Variants in COL21A1 observed in about 807,000 individuals in gnomAD.
COL21A1 encodes collagen type XXI alpha 1 chain.
COL21A1 carries 149 observed loss-of-function variants against 137.9 expected under a neutral mutation model. The observed-to-expected ratio is 1.08, with a 90% CI of 0.95 to 1.24. COL21A1 has a LOEUF of 1.24. Among genes scored for constraint, COL21A1 ranks in the 50% most tolerant of loss-of-function variants. The pLI, the probability that COL21A1 is intolerant of heterozygous loss-of-function variation, is 0.00. For synonymous variants in COL21A1, 456 were observed against 391.5 expected (o/e 1.16, Z -1.95); for missense variants, 1,167 against 1,158.4 (o/e 1.01, Z -0.11).
intron 12 of COL21A1, among the ~76,000 whole-genome samples, chr6:56,131,793 A>G (rs1243693790): frequency 6.6e-6 from 1 of 152,132 alleles, no homozygotes; most frequent in Non-Finnish European, 1.5e-5. Context: ...CATATACTAT[A>G]TGCTGTTGAG....
chr6:56,216,248 G>A (rs558025137), intron 1 of COL21A1, among the ~76,000 whole-genome samples: 18 of 152,118 alleles, frequency 1.2e-4, no homozygotes, highest in African/African-American at 2.6e-4. Context: ...ATTAGTGGCC[G>A]TGTTCCAACC....
intron 1 of COL21A1, among the ~76,000 whole-genome samples, chr6:56,312,658 T>A (rs72870235): frequency 0.02 from 3,072 of 152,264 alleles, 39 homozygotes; most frequent in Non-Finnish European, 0.033. Context: ...GAAGAGATTT[T>A]AGGACAGGAA....
upstream of COL21A1, among the ~76,000 whole-genome samples, chr6:56,248,204 TC>T (rs1047053759): frequency 6.6e-6 from 1 of 152,194 alleles, no homozygotes; most frequent in Admixed American, 6.5e-5. Flanking sequence ...TCATATGCTT[TC>T]CCTATTATCT....
chr6:56,092,513 A>C (rs1245088151), intron 17 of COL21A1, among the ~76,000 whole-genome samples: 1 of 152,190 alleles, frequency 6.6e-6, no homozygotes, highest in Non-Finnish European at 1.5e-5. Flanking sequence ...AAAATGAGAA[A>C]TAGACAAATT....
intron 1 of COL21A1, among the ~76,000 whole-genome samples, chr6:56,237,957 G>T (rs1582709399): frequency 6.6e-6 from 1 of 152,132 alleles, no homozygotes; most frequent in East Asian, 1.9e-4. Flanking sequence ...TGGTGTTTTT[G>T]TTTTATTTTT....
chr6:56,361,647 C>T (rs1025649166), intron 1 of COL21A1, among the ~76,000 whole-genome samples: 1 of 151,866 alleles, frequency 6.6e-6, no homozygotes, highest in Non-Finnish European at 1.5e-5. Flanking sequence ...TAATAGGAAA[C>T]TCTGGTTGGC....
intron 24 of COL21A1, among the ~76,000 whole-genome samples, chr6:56,062,898 G>A (rs1467699685): frequency 6.6e-6 from 1 of 152,132 alleles, no homozygotes; most frequent in Non-Finnish European, 1.5e-5. Flanking sequence ...AAAAAGAGCT[G>A]TCATCTGAGA....
At chr6:56,344,638 C>T (rs1765549236) in intron 1 of COL21A1, among the ~76,000 whole-genome samples, 2 of 152,128 alleles carry the variant, frequency 1.3e-5, no homozygotes, top group African/African-American at 4.8e-5. Context: ...ATTTCTGTCC[C>T]AGCTCAAATC....
At chr6:56,156,161 C>T (rs1775728088) in intron 10 of COL21A1, among the ~76,000 whole-genome samples, 1 of 152,110 alleles carries the variant, frequency 6.6e-6, no homozygotes, top group Non-Finnish European at 1.5e-5. Context: ...AATAGAATTT[C>T]TAAAACCAGC....
At position 56,148,338 on chromosome 6, in the gene COL21A1, C is replaced by CAGAGAGAGAGAGAGAGAGAGAGAGAG. The variant is rs150898619; in HGVS notation, c.1435-6381_1435-6356dup. ...TTTAGCTTATTAGTGAGACAAGAGA[C>CAGAGAGAGAGAGAGAGAGAGAGAGAG]AGAGAGAGAGAGAGAGAGAGAGAGA... is the stretch of plus-strand genomic sequence containing the variant. On this transcript the variant is annotated intron_variant, in intron 10 of 29. Transcript: ENST00000244728. Among the ~76,000 whole-genome samples, 1,128 of 133,154 alleles carry CAGAGAGAGAGAGAGAGAGAGAGAGAG rather than the reference C, an allele frequency of 8.5e-3. 24 individuals are homozygous for CAGAGAGAGAGAGAGAGAGAGAGAGAG. Among genetic ancestry groups the CAGAGAGAGAGAGAGAGAGAGAGAGAG allele is most frequent in the African/African-American group, 0.01 (360 of 34,908 alleles). 87.4% of individuals were successfully genotyped at this position (133,154 alleles called of 152,430 possible). A position where few individuals can be genotyped will look rare whatever the true frequency, so the allele number is the denominator to read the frequency against.
intron 17 of COL21A1, among the ~76,000 whole-genome samples, chr6:56,082,767 CACT>C (rs1767901765): frequency 6.6e-6 from 1 of 151,694 alleles, no homozygotes; most frequent in African/African-American, 2.4e-5. Flanking sequence ...AAAGAAAACA[CACT>C]AATAAGTGAA....
At chr6:56,365,534 G>A (rs538555207) in intron 1 of COL21A1, among the ~76,000 whole-genome samples, 28 of 152,178 alleles carry the variant, frequency 1.8e-4, no homozygotes, top group African/African-American at 6.3e-4. Context: ...TGCTTAGGAT[G>A]TCTTAATGTA....
intron 1 of COL21A1, among the ~76,000 whole-genome samples, chr6:56,329,788 T>TA (rs1765178123): frequency 6.6e-6 from 1 of 152,094 alleles, no homozygotes; most frequent in African/African-American, 2.4e-5. Flanking sequence ...CTAAGTTTAA[T>TA]AAAGGCTTCA....
rs374780834 is a variant in COL21A1 at position 56,216,534 on chromosome 6, C to T, written c.-39+30853G>A. The stretch of plus-strand genomic sequence containing the variant: ...GAAAATTCTGCCCCATCTCTTTTTA[C>T]TCTGTTAACCAAATAATTCCCATGG... On this transcript the variant is annotated intron_variant, in intron 1 of 29. Coordinates refer to ENST00000244728, the MANE Select transcript of COL21A1 (RefSeq NM_030820.4). 1.1e-4 allele frequency among the ~76,000 whole-genome samples: 16 copies of T among 152,024 alleles called. 1 individual carries two copies. Among genetic ancestry groups the T allele is most frequent in the East Asian group, 9.6e-4 (5 of 5,182 alleles).
At chr6:56,310,610 A>G (rs529278704) in intron 1 of COL21A1, among the ~76,000 whole-genome samples, 5 of 152,306 alleles carry the variant, frequency 3.3e-5, no homozygotes, top group African/African-American at 1.2e-4. Flanking sequence ...TAAATGAGGT[A>G]TTCTGATATT....
intron 1 of COL21A1, among the ~76,000 whole-genome samples, chr6:56,227,385 A>G (rs943615818): frequency 4.6e-5 from 7 of 152,002 alleles, no homozygotes; most frequent in Non-Finnish European, 1.0e-4. Context: ...AACAAATCCC[A>G]TACGCTTGTT....
At chr6:56,097,997 A>AATG (rs1562189237) in intron 17 of COL21A1, among the ~76,000 whole-genome samples, 247 of 2,080 alleles carry the variant, frequency 0.12, 4 homozygotes, top group East Asian at 0.26. Flanking sequence ...ATATATGTAA[A>AATG]TATATAAATA....
At chr6:56,304,911 C>A (rs1163503470) in intron 1 of COL21A1, among the ~76,000 whole-genome samples, 1 of 152,128 alleles carries the variant, frequency 6.6e-6, no homozygotes, top group African/African-American at 2.4e-5. Flanking sequence ...TGAATGTGTC[C>A]CAGAGATTCT....
chr6:56,187,603 A>C (rs1315470108), intron 1 of COL21A1, among the ~76,000 whole-genome samples: 1 of 152,250 alleles, frequency 6.6e-6, no homozygotes, highest in Non-Finnish European at 1.5e-5. Flanking sequence ...TCTTTTCAAC[A>C]AACATTGCTG....
Sources: gnomAD v4.1 joint callset for allele counts (sites outside exome capture counted in the v4.1 genomes callset) on GRCh38, gnomAD v4.1.1 for gene constraint, MANE v1.5 for transcripts, NCBI Gene and HGNC (gene_info 2026-07-23, HGNC 2026-07-21) for gene names.